HPSE2: variants seen among roughly 807,000 people sequenced by gnomAD.
HPSE2 encodes inactive heparanase-2.
In HPSE2, 38 loss-of-function variants were observed where a neutral mutation model predicts 60.5. The observed-to-expected ratio is 0.63, with a 90% CI of 0.48 to 0.82. The LOEUF (loss-of-function observed/expected upper bound fraction) is 0.82, where lower values mean the gene tolerates loss of function less well. HPSE2 is among the 40% of genes least tolerant of loss of function. The pLI is 0.00. For missense variants in HPSE2, 713 were observed against 740.4 expected (o/e 0.96, Z 0.43); for synonymous variants, 295 against 293.2 (o/e 1.01, Z -0.06).
chr10:98,917,126 T>C (rs931497260), intron 3 of HPSE2, among the ~76,000 whole-genome samples: 2 of 152,144 alleles, frequency 1.3e-5, no homozygotes, highest in African/African-American at 4.8e-5. Flanking sequence ...AACAGATCCA[T>C]CCAAGACTAT....
At chr10:98,620,815 C>T in intron 7 of HPSE2, 107 bp from the exon 8 acceptor site, 1 of 818,612 alleles carries the variant, frequency 1.2e-6, no homozygotes, top group Non-Finnish European at 2.1e-6. Context: ...TTCCTGTTTT[C>T]AGGGGGTCAT....
intron 3 of HPSE2, among the ~76,000 whole-genome samples, chr10:98,773,018 C>T (rs1350830285): frequency 1.3e-5 from 2 of 152,080 alleles, no homozygotes; most frequent in African/African-American, 4.8e-5. Context: ...CTTTTGGAGG[C>T]CTTTAACTTC....
At chr10:98,936,972 C>T (rs1246625019) in intron 3 of HPSE2, among the ~76,000 whole-genome samples, 1 of 93,986 alleles carries the variant, frequency 1.1e-5, no homozygotes, top group Non-Finnish European at 1.9e-5. Context: ...GTAGGAGACT[C>T]CATCTCAAAA....
intron 3 of HPSE2, among the ~76,000 whole-genome samples, chr10:99,081,317 T>A (rs1843128397): frequency 6.6e-6 from 1 of 152,224 alleles, no homozygotes; most frequent in Admixed American, 6.5e-5. Context: ...AATATAAAGA[T>A]GGATAGTAGT....
chr10:98,907,219 T>C (rs1430177707), intron 3 of HPSE2, among the ~76,000 whole-genome samples: 2 of 152,206 alleles, frequency 1.3e-5, no homozygotes, highest in Non-Finnish European at 2.9e-5. Context: ...ACTGACTAGT[T>C]GATATGGACA....
intron 5 of HPSE2, among the ~76,000 whole-genome samples, chr10:98,701,518 T>A (rs888624445): frequency 6.1e-5 from 9 of 147,398 alleles, no homozygotes; most frequent in African/African-American, 2.2e-4. Context: ...GAGGGATAGC[T>A]TTAGGAGATA....
At chr10:98,478,657 T>C (rs555090590) in intron 11 of HPSE2, among the ~76,000 whole-genome samples, 212 of 152,356 alleles carry the variant, frequency 1.4e-3, no homozygotes, top group African/African-American at 4.7e-3. Context: ...TTTTGGAGTA[T>C]TCTAGGCCAA....
intron 6 of HPSE2, among the ~76,000 whole-genome samples, chr10:98,692,124 C>A (rs1948091139): frequency 6.6e-6 from 1 of 152,020 alleles, no homozygotes; most frequent in Non-Finnish European, 1.5e-5. Flanking sequence ...TGGATAGAAT[C>A]ATCAGGGAAG....
chr10:98,626,124 GAA>G lies in HPSE2; in HGVS notation c.1099-5418_1099-5417del, dbSNP rs1565027488. ...CCGTCTCAAAAAAAAAAAAGAAAAAGAAAAAAGAAAAAAGATGAATAAAAACA... is the reference window on the plus strand; with the variant it reads ...CCGTCTCAAAAAAAAAAAAGAAAAAGAAAAGAAAAAAGATGAATAAAAACA... On this transcript the variant is annotated intron_variant, in intron 7 of 11. Transcript: ENST00000370552. Among the ~76,000 whole-genome samples the G allele has an allele frequency of 3.8e-4, 34 of 89,262 alleles. 1 individual carries two copies. The highest frequency in any genetic ancestry group is 1.2e-3 in the African/African-American group (31 of 26,334). The allele number at this position is 89,262 out of a possible 152,430, so 58.6% of individuals were successfully genotyped here.
At chr10:98,645,545 T>C (rs1204430946) in intron 6 of HPSE2, among the ~76,000 whole-genome samples, 1 of 152,226 alleles carries the variant, frequency 6.6e-6, no homozygotes, top group Non-Finnish European at 1.5e-5. Flanking sequence ...CATTTGAATG[T>C]CAAAGGAATC....
rs570583747 is a variant in HPSE2 at position 99,026,136 on chromosome 10, T to G, written c.610+118102A>C. ...AAGTTCTTATTTATCAATAATAATA[T>G]TTAATGTAAATGAACTAACCTCTCC... On this transcript the variant is annotated intron_variant, in intron 3 of 11. Transcript: ENST00000370552. Among the ~76,000 whole-genome samples the G allele has an allele frequency of 2.8e-4, 43 of 152,110 alleles. 1 individual carries two copies. In the South Asian group the frequency reaches 8.1e-3, roughly 29 times the overall value.
At chr10:98,984,582 T>C (rs1309062502) in intron 3 of HPSE2, among the ~76,000 whole-genome samples, 1 of 152,116 alleles carries the variant, frequency 6.6e-6, no homozygotes, top group East Asian at 1.9e-4. Flanking sequence ...AAAATCAGAG[T>C]GCCTCTCCTC....
chr10:98,752,703 A>G (rs1357266569), intron 3 of HPSE2, among the ~76,000 whole-genome samples: 1 of 152,214 alleles, frequency 6.6e-6, no homozygotes, highest in African/African-American at 2.4e-5. Flanking sequence ...AAGAGCATCA[A>G]GAAATATTGC....
rs184193249 is a variant in HPSE2, at chr10:99,096,855, A to C, written c.610+47383T>G. Among the ~76,000 whole-genome samples the C allele has an allele frequency of 2.6e-5, 4 of 152,308 alleles. No individual in the cohort carries two copies. In the East Asian group the frequency reaches 7.7e-4, roughly 29 times the overall value. ...TCAGGAGCAAAGGGGAATCCATAGAAAAGGGCACAAGAGGCAGCTGGCTGG... is the reference window on the plus strand; with the variant it reads ...TCAGGAGCAAAGGGGAATCCATAGACAAGGGCACAAGAGGCAGCTGGCTGG... On this transcript the variant is annotated intron_variant, in intron 3 of 11. Transcript: ENST00000370552.
intron 3 of HPSE2, among the ~76,000 whole-genome samples, chr10:98,940,897 G>A (rs1954976316): frequency 1.5e-5 from 2 of 131,254 alleles, no homozygotes; most frequent in African/African-American, 3.4e-5. Flanking sequence ...AATCAAGTGG[G>A]CTTCATCCCT....
At chr10:99,018,894 C>T (rs992566940) in intron 3 of HPSE2, among the ~76,000 whole-genome samples, 1 of 152,154 alleles carries the variant, frequency 6.6e-6, no homozygotes, top group Non-Finnish European at 1.5e-5. Flanking sequence ...AAACAGTTTT[C>T]ATGTCAGCAT....
At chr10:99,288,971 T>C in the HPSE2 span, among the ~76,000 whole-genome samples, 4 of 152,304 alleles carry the variant, frequency 2.6e-5, no homozygotes, top group Middle Eastern at 3.4e-3. Flanking sequence ...TTAGTAATCA[T>C]TAAAATACCA....
chr10:99,307,644 AC>A, the HPSE2 span, among the ~76,000 whole-genome samples: 1 of 152,124 alleles, frequency 6.6e-6, no homozygotes, highest in Non-Finnish European at 1.5e-5. Flanking sequence ...TATCTATGGC[AC>A]CCCCATGGCA....
the HPSE2 span, among the ~76,000 whole-genome samples, chr10:99,264,819 C>T: frequency 6.6e-6 from 1 of 152,026 alleles, no homozygotes; most frequent in African/African-American, 2.4e-5. Context: ...TCACCCCTCA[C>T]CCCAAAATCT....
Sources: gnomAD v4.1 joint callset for allele counts (sites outside exome capture counted in the v4.1 genomes callset) on GRCh38, gnomAD v4.1.1 for gene constraint, MANE v1.5 for transcripts, NCBI Gene and HGNC (gene_info 2026-07-23, HGNC 2026-07-21) for gene names.